GNAQ: variants seen among roughly 807,000 people sequenced by gnomAD.
The protein encoded by GNAQ is guanine nucleotide-binding protein G(q) subunit alpha.
Under a neutral mutation model 43.9 loss-of-function variants are expected in GNAQ, and 8 were observed. The ratio of observed to expected loss-of-function variants is 0.18; its 90% CI spans 0.11 to 0.33. The LOEUF (loss-of-function observed/expected upper bound fraction) is 0.33, where lower values mean the gene tolerates loss of function less well. Among genes scored for constraint, GNAQ ranks in the 10% least tolerant of loss-of-function variants. The pLI, the probability that GNAQ is intolerant of heterozygous loss-of-function variation, is 1.00. For synonymous variants in GNAQ, 155 were observed against 170.7 expected, an observed-to-expected ratio of 0.91 and a Z score of 0.71; for missense variants, 158 against 450.8, an observed-to-expected ratio of 0.35 and a Z score of 5.88.
At chr9:77,816,537 A>G (rs1827018871) in intron 2 of GNAQ, among the ~76,000 whole-genome samples, 1 of 152,218 alleles carries the variant, frequency 6.6e-6, no homozygotes, top group African/African-American at 2.4e-5. Flanking sequence ...CCCTCAAATT[A>G]GCCGGAATAC....
intron 5 of GNAQ, among the ~76,000 whole-genome samples, chr9:77,759,744 GT>G (rs920145739): frequency 6.6e-6 from 1 of 152,116 alleles, no homozygotes; most frequent in Admixed American, 6.5e-5. Context: ...AAAGGAAAAG[GT>G]GTTCTAGCCA....
At chr9:77,943,660 C>CTTTTTT (rs34195207) in intron 1 of GNAQ, among the ~76,000 whole-genome samples, 2 of 116,168 alleles carry the variant, frequency 1.7e-5, no homozygotes, top group Non-Finnish European at 3.5e-5. Context: ...AAGTAACTAA[C>CTTTTTT]TTTTTTTTTT....
At position 77,720,942 on chromosome 9, in the gene GNAQ, A is replaced by C; in HGVS notation, c.*381T>G. 4.1e-6 allele frequency: 1 copy of C among 243,076 alleles called. No homozygotes were observed. The highest frequency in any genetic ancestry group is 8.0e-6 in the Non-Finnish European group (1 of 124,652). 15.1% of individuals were successfully genotyped at this position (243,076 alleles called of 1,614,324 possible). A position where few individuals can be genotyped will look rare whatever the true frequency, so the allele number is the denominator to read the frequency against. On this transcript the variant is annotated 3_prime_UTR_variant, in exon 7 of 7. Coordinates refer to ENST00000286548, the MANE Select transcript of GNAQ (RefSeq NM_002072.5). ...GGAAAAACATCAGGAGGGAGGTATG[A>C]ATTAGCGGGGGAAGAAAAAAGGGAA...
At chr9:77,949,977 AC>A (rs1822955730) in intron 1 of GNAQ, among the ~76,000 whole-genome samples, 1 of 152,002 alleles carries the variant, frequency 6.6e-6, no homozygotes, top group Non-Finnish European at 1.5e-5. Flanking sequence ...GTGTAAAACA[AC>A]CCTCACATAA....
intron 1 of GNAQ, among the ~76,000 whole-genome samples, chr9:78,026,770 C>A (rs1046264482): frequency 5.3e-5 from 8 of 152,218 alleles, no homozygotes; most frequent in Non-Finnish European, 1.0e-4. Flanking sequence ...GCACTTCCAG[C>A]CTTCCAAGCC....
chr9:77,833,702 G>C (rs1827338360), intron 2 of GNAQ, among the ~76,000 whole-genome samples: 1 of 152,178 alleles, frequency 6.6e-6, no homozygotes, highest in Non-Finnish European at 1.5e-5. Flanking sequence ...GGAGAGCAAG[G>C]AAGCAAGCAT....
chr9:77,814,534 C>T (rs745920929), intron 3 of GNAQ, among the ~76,000 whole-genome samples: 7 of 152,170 alleles, frequency 4.6e-5, no homozygotes, highest in Non-Finnish European at 1.0e-4. Context: ...ATAGTTTGAT[C>T]AGGCAACATT....
chr9:77,915,891 T>C (rs559827975), intron 2 of GNAQ, among the ~76,000 whole-genome samples: 71 of 152,334 alleles, frequency 4.7e-4, no homozygotes, highest in African/African-American at 1.7e-3. Context: ...AGATGTGTAA[T>C]TTGTAACACC....
At chr9:77,884,687 G>A (rs1159294881) in intron 2 of GNAQ, among the ~76,000 whole-genome samples, 1 of 152,154 alleles carries the variant, frequency 6.6e-6, no homozygotes, top group Non-Finnish European at 1.5e-5. Flanking sequence ...AGGAGGACAG[G>A]CTGTGGCTGT....
chr9:77,990,565 T>G (rs924361244), intron 1 of GNAQ, among the ~76,000 whole-genome samples: 1 of 152,310 alleles, frequency 6.6e-6, no homozygotes, highest in East Asian at 1.9e-4. Context: ...GGCTCCAGGT[T>G]TTTCACACTT....
chr9:78,018,288 ACCT>A (rs1823863785), intron 1 of GNAQ, among the ~76,000 whole-genome samples: 1 of 152,172 alleles, frequency 6.6e-6, no homozygotes, highest in Non-Finnish European at 1.5e-5. Context: ...AATGCTTACA[ACCT>A]AATGTTAAGT....
chr9:77,986,672 AT>A (rs1039627056), intron 1 of GNAQ, among the ~76,000 whole-genome samples: 1 of 151,808 alleles, frequency 6.6e-6, no homozygotes. Flanking sequence ...TGTCCAGCTA[AT>A]TTTTTTTACT....
intron 1 of GNAQ, among the ~76,000 whole-genome samples, chr9:77,949,977 A>G (rs1822955699): frequency 6.6e-6 from 1 of 152,002 alleles, no homozygotes; most frequent in Non-Finnish European, 1.5e-5. Context: ...GTGTAAAACA[A>G]CCCTCACATA....
chr9:78,020,724 A>T (rs955613372), intron 1 of GNAQ, among the ~76,000 whole-genome samples: 5 of 152,078 alleles, frequency 3.3e-5, no homozygotes, highest in Admixed American at 6.5e-5. Flanking sequence ...CGCTACCCCT[A>T]TTGGCAACAA....
intron 5 of GNAQ, among the ~76,000 whole-genome samples, chr9:77,772,588 G>A (rs1370228764): frequency 6.6e-6 from 1 of 152,144 alleles, no homozygotes; most frequent in Non-Finnish European, 1.5e-5. Context: ...TACAATTCAG[G>A]ACTGTTTGAG....
chr9:77,896,718 A>T (rs1050126328), intron 2 of GNAQ, among the ~76,000 whole-genome samples: 3 of 152,220 alleles, frequency 2.0e-5, no homozygotes, highest in African/African-American at 7.2e-5. Context: ...TTTAATACAG[A>T]ACAGCTCCTC....
At position 77,763,454 on chromosome 9, in the gene GNAQ, C is replaced by T. The variant is rs536321084; in HGVS notation, c.735+31009G>A. ...CAGCTGGGCAACATGGCAAGACCCC[C>T]ATCTCCACAAAAATAATTAATACTG... On this transcript the variant is annotated intron_variant, in intron 5 of 6. Coordinates refer to ENST00000286548, the MANE Select transcript of GNAQ (RefSeq NM_002072.5). 3.9e-5 allele frequency among the ~76,000 whole-genome samples: 6 copies of T among 152,276 alleles called. No homozygotes were observed. The South Asian group carries it at 1.2e-3, about 32-fold the overall frequency.
At position 77,718,726 on chromosome 9, in the gene GNAQ, ATT is replaced by A. The variant is rs754786107; in HGVS notation, c.*2595_*2596del. ...GTAGGCCTTCAAATGTTGTTGTTTA[ATT>A]TTTTTTTTTTTTTTTTTTTTTTTTG... On this transcript the variant is annotated 3_prime_UTR_variant, in exon 7 of 7. Transcript: ENST00000286548. The A allele has an allele frequency of 0.022, 2,472 of 112,734 alleles. 12 individuals are homozygous for A. The highest frequency in any genetic ancestry group is 0.048 in the Middle Eastern group (13 of 272). The allele number at this position is 112,734 out of a possible 1,614,324, so 7.0% of individuals were successfully genotyped here.
chr9:77,911,848 T>G (rs1828810749), intron 2 of GNAQ, among the ~76,000 whole-genome samples: 1 of 152,120 alleles, frequency 6.6e-6, no homozygotes, highest in Admixed American at 6.5e-5. Flanking sequence ...ACCATCACCC[T>G]TCATAAATAA....
Sources: gnomAD v4.1 joint callset for allele counts (sites outside exome capture counted in the v4.1 genomes callset) on GRCh38, gnomAD v4.1.1 for gene constraint, MANE v1.5 for transcripts, NCBI Gene and HGNC (gene_info 2026-07-23, HGNC 2026-07-21) for gene names.